Variants in MARCHF2 observed in about 807,000 individuals in gnomAD.
MARCHF2 encodes the protein membrane associated ring-CH-type finger 2, also known as E3 ubiquitin-protein ligase MARCHF2.
In MARCHF2, 22 loss-of-function variants were observed where a neutral mutation model predicts 24.0. The observed-to-expected ratio is 0.92, with a 90% CI of 0.66 to 1.31. The LOEUF is 1.31. MARCHF2 is among the 50% of genes most tolerant of loss of function. The probability of loss-of-function intolerance (pLI) is 0.00; values close to 1 mark genes in which losing one functional copy is unlikely to be tolerated. For missense variants in MARCHF2, 301 were observed against 335.3 expected (o/e 0.90, Z 0.80); for synonymous variants, 154 against 153.0 (o/e 1.01, Z -0.05).
At chr19:8,429,543 C>T (rs533112421) in intron 3 of MARCHF2, among the ~76,000 whole-genome samples, 3 of 150,834 alleles carry the variant, frequency 2.0e-5, no homozygotes, top group South Asian at 4.2e-4. Flanking sequence ...CTTACTCTGT[C>T]ACCCAGGCTG....
At position 8,426,626 on chromosome 19, in the gene MARCHF2, G is replaced by A. The variant is rs750663787; in HGVS notation, c.194G>A (p.Arg65Gln). ...LDTPSDGPFC[R>Q]ICHEGANGEC... ...GTGTCCAGTGATGGTCCTTTCTGCCGGATCTGCCATGAGGGAGCGAACGGG... is the reference window on the plus strand; with the variant it reads ...GTGTCCAGTGATGGTCCTTTCTGCCAGATCTGCCATGAGGGAGCGAACGGG... Residue 65 changes from arginine to glutamine, a missense_variant, in exon 3 of 5, where the codon CGG becomes CAG. Arg to Gln is a conservative substitution (Grantham distance 43). Coordinates refer to ENST00000215555, the MANE Select transcript of MARCHF2 (RefSeq NM_001005415.2). 31 of 1,613,804 alleles carry A rather than the reference G, an allele frequency of 1.9e-5. No homozygotes were observed. Among genetic ancestry groups the A allele is most frequent in the East Asian group, 6.7e-5 (3 of 44,890 alleles).
At chr19:8,417,436 C>G (rs1383193531) in intron 1 of MARCHF2, among the ~76,000 whole-genome samples, 1 of 152,088 alleles carries the variant, frequency 6.6e-6, no homozygotes, top group East Asian at 1.9e-4. Flanking sequence ...AGAGTGAGAC[C>G]CTGTCTTTTT....
At chr19:8,432,489 T>C (rs1967609923) in intron 4 of MARCHF2, among the ~76,000 whole-genome samples, 1 of 151,746 alleles carries the variant, frequency 6.6e-6, no homozygotes, top group African/African-American at 2.4e-5. Context: ...ACCCCATCTC[T>C]ACAAAAGGAA....
intron 4 of MARCHF2, among the ~76,000 whole-genome samples, chr19:8,432,063 C>T (rs1967600971): frequency 1.3e-5 from 2 of 151,986 alleles, no homozygotes; most frequent in Non-Finnish European, 2.9e-5. Context: ...GAAGTTGAGG[C>T]AGGAGCATCG....
chr19:8,435,200 A>G (rs984492018), intron 4 of MARCHF2, among the ~76,000 whole-genome samples: 6 of 151,418 alleles, frequency 4.0e-5, no homozygotes, highest in African/African-American at 9.7e-5. Flanking sequence ...TTTTATTTTT[A>G]GTAGAGACAG....
rs529645897 is a variant in MARCHF2 at position 8,438,663 on chromosome 19, C to T, written c.*117C>T. ...TTCAACAGTTCCCGCACGGCCTGAACGCTTCTTAGGCCAAGAGACACCATG... is the reference window on the plus strand; with the variant it reads ...TTCAACAGTTCCCGCACGGCCTGAATGCTTCTTAGGCCAAGAGACACCATG... On this transcript the variant is annotated 3_prime_UTR_variant, in exon 5 of 5. Transcript: ENST00000215555. The T allele has an allele frequency of 1.0e-4, 112 of 1,110,838 alleles. No homozygotes were observed. The East Asian group carries it at 2.2e-3, about 22-fold the overall frequency. 68.8% of individuals were successfully genotyped at this position (1,110,838 alleles called of 1,614,324 possible).
intron 4 of MARCHF2, among the ~76,000 whole-genome samples, chr19:8,437,881 A>G (rs962345029): frequency 6.6e-6 from 1 of 151,908 alleles, no homozygotes; most frequent in Admixed American, 6.6e-5. Context: ...AGTAGCTGGG[A>G]CTACAGGTCC....
In MARCHF2 at chr19:8,438,393, C is replaced by T. The variant is rs1967788237; in HGVS notation, c.588C>T (p.Ser196=). The change falls in exon 5 of 5, where the codon TCC becomes TCT. Residue 196 remains serine (S), a synonymous_variant. Transcript: ENST00000215555. ...FTIYVLWTLV[S]FRYHCQLYSE... is the part of the protein sequence containing the mutation. ...ACTGCAGGGCTGCCCCACAGGTCTC[C>T]TTCCGCTACCACTGCCAGCTGTACT... The T allele has an allele frequency of 1.9e-6, 3 of 1,613,512 alleles. No homozygotes were observed. The South Asian group carries it at 3.3e-5, about 18-fold the overall frequency.
chr19:8,426,053 C>T (rs990981422), intron 2 of MARCHF2, among the ~76,000 whole-genome samples: 1 of 151,334 alleles, frequency 6.6e-6, no homozygotes, highest in African/African-American at 2.4e-5. Context: ...CGGTGAAACC[C>T]CGTCTCTACT....
chr19:8,423,603 G>A lies in MARCHF2; in HGVS notation c.176+1587G>A, dbSNP rs1599705908. ...CATTGCAGGAGGAAATAGCAGTCCA[G>A]GGACAGGACTGTTGAGAAAGCAGCC... On this transcript the variant is annotated intron_variant, in intron 2 of 4. Transcript: ENST00000215555. 3 of 152,138 alleles carry A rather than the reference G, an allele frequency of 2.0e-5. No individual in the cohort carries two copies. The South Asian group carries it at 6.2e-4, about 31-fold the overall frequency. The allele number at this position is 152,138 out of a possible 1,614,324, so 9.4% of individuals were successfully genotyped here.
intron 1 of MARCHF2, among the ~76,000 whole-genome samples, chr19:8,415,678 G>A (rs1400747866): frequency 2.3e-5 from 3 of 128,362 alleles, no homozygotes; most frequent in African/African-American, 8.9e-5. Context: ...CCGAGGTGGT[G>A]CCATTGCTCT....
At chr19:8,435,652 C>T (rs1473776554) in intron 4 of MARCHF2, among the ~76,000 whole-genome samples, 2 of 152,120 alleles carry the variant, frequency 1.3e-5, no homozygotes, top group Non-Finnish European at 2.9e-5. Context: ...GATCCTCCCA[C>T]CTCGGCCCTC....
At chr19:8,434,254 T>G (rs1166004797) in intron 4 of MARCHF2, among the ~76,000 whole-genome samples, 1 of 151,890 alleles carries the variant, frequency 6.6e-6, no homozygotes, top group Non-Finnish European at 1.5e-5. Flanking sequence ...CCAGCCAATT[T>G]TTATATTTTT....
intron 1 of MARCHF2, chr19:8,418,637 T>G (rs182626080): frequency 6.6e-6 from 1 of 152,048 alleles, no homozygotes; most frequent in Non-Finnish European, 1.5e-5. Flanking sequence ...AGGTTGAGGC[T>G]CCCTCCTCAG....
Position 8,426,682 on chromosome 19 carries a change from G to T in MARCHF2, c.250G>T (p.Gly84Cys). 6.2e-7 allele frequency: 1 copy of T among 1,613,956 alleles called. No homozygotes were observed. ...CTTGCTGTCCCCGTGTGGCTGCACC[G>T]GCACGCTGGGTGCCGTGCATAAGAG... ...ECLLSPCGCT[G>C]TLGAVHKSCL... The change falls in exon 3 of 5, where the codon GGC (glycine) becomes TGC (cysteine). Residue 84 changes from glycine (G) to cysteine (C), a missense_variant. Gly to Cys is a radical substitution (Grantham distance 159). Transcript: ENST00000215555.
At chr19:8,429,479 CTTA>C (rs144546795) in intron 3 of MARCHF2, among the ~76,000 whole-genome samples, 19,698 of 142,088 alleles carry the variant, frequency 0.14, 1,706 homozygotes, top group Admixed American at 0.2. Context: ...AATGAAAGAA[CTTA>C]TTATTATTAT....
chr19:8,425,773 C>G (rs1007575064), intron 2 of MARCHF2, among the ~76,000 whole-genome samples: 5 of 151,856 alleles, frequency 3.3e-5, no homozygotes, highest in Non-Finnish European at 7.4e-5. Flanking sequence ...CCTACCACCA[C>G]GCCCAGCTAA....
At chr19:8,435,827 C>CGTGT (rs1568242256) in intron 4 of MARCHF2, among the ~76,000 whole-genome samples, 33 of 93,282 alleles carry the variant, frequency 3.5e-4, no homozygotes, top group African/African-American at 4.1e-4. Flanking sequence ...CTGCACCTGG[C>CGTGT]CTGTGTGTGT....
intron 1 of MARCHF2, among the ~76,000 whole-genome samples, chr19:8,420,220 C>T (rs1253820327): frequency 6.7e-6 from 1 of 150,224 alleles, no homozygotes; most frequent in Non-Finnish European, 1.5e-5. Context: ...TGGTGGTGGG[C>T]CCCTGTAATC....
Sources: allele counts gnomAD v4.1 joint callset (sites outside exome capture counted in the v4.1 genomes callset), GRCh38; gene constraint gnomAD v4.1.1; transcripts MANE v1.5; gene names NCBI Gene and HGNC (gene_info 2026-07-23, HGNC 2026-07-21).